The following ADAMTSL1 variants were observed in gnomAD, a reference collection of about 807,000 sequenced individuals.
The protein encoded by ADAMTSL1 is ADAMTS like 1.
ADAMTSL1 carries 126 observed loss-of-function variants against 201.8 expected under a neutral mutation model. The ratio of observed to expected loss-of-function variants is 0.62; its 90% CI spans 0.54 to 0.72. ADAMTSL1 has a LOEUF of 0.72. Ranked by LOEUF, ADAMTSL1 falls within the 30% of genes least tolerant of loss-of-function variation. The probability of loss-of-function intolerance (pLI) is 0.00; values close to 1 mark genes in which losing one functional copy is unlikely to be tolerated. For synonymous variants in ADAMTSL1, 1,121 were observed against 903.4 expected, an observed-to-expected ratio of 1.24 and a Z score of -4.32; for missense variants, 2,679 against 2,277.8, an observed-to-expected ratio of 1.18 and a Z score of -3.59.
chr9:18,838,978 T>G (rs1055437131), intron 23 of ADAMTSL1, among the ~76,000 whole-genome samples: 3 of 151,464 alleles, frequency 2.0e-5, no homozygotes, highest in East Asian at 3.9e-4. Flanking sequence ...CAAGTATCTT[T>G]CAGCATACAT....
chr9:18,874,703 T>C (rs960656192), intron 23 of ADAMTSL1, among the ~76,000 whole-genome samples: 1 of 152,180 alleles, frequency 6.6e-6, no homozygotes, highest in Non-Finnish European at 1.5e-5. Flanking sequence ...GATTTTTACA[T>C]TGATGTTCAC....
At chr9:18,656,628 C>CA (rs34965386) in intron 7 of ADAMTSL1, among the ~76,000 whole-genome samples, 20,306 of 74,942 alleles carry the variant, frequency 0.27, 2,387 homozygotes, top group African/African-American at 0.37. Flanking sequence ...GACTCCATCG[C>CA]AAAAAAAAAA....
intron 2 of ADAMTSL1, among the ~76,000 whole-genome samples, chr9:18,179,439 G>T (rs372530222): frequency 6.6e-4 from 100 of 152,146 alleles, no homozygotes; most frequent in African/African-American, 2.2e-3. Flanking sequence ...GGAACCAAGT[G>T]GGAAAACACT....
chr9:18,015,563 G>A (rs1213971595), intron 1 of ADAMTSL1, among the ~76,000 whole-genome samples: 1 of 151,984 alleles, frequency 6.6e-6, no homozygotes, highest in East Asian at 1.9e-4. Flanking sequence ...ACGTATTATT[G>A]TTTTGAGTCT....
intron 1 of ADAMTSL1, among the ~76,000 whole-genome samples, chr9:17,935,283 C>A (rs923964390): frequency 6.6e-6 from 1 of 152,050 alleles, no homozygotes; most frequent in Non-Finnish European, 1.5e-5. Context: ...ATGGGTTGTC[C>A]CTTCTGTCTC....
At chr9:18,047,406 T>A (rs1431291341) in intron 1 of ADAMTSL1, among the ~76,000 whole-genome samples, 1 of 152,166 alleles carries the variant, frequency 6.6e-6, no homozygotes, top group Non-Finnish European at 1.5e-5. Flanking sequence ...CTGCTAAACA[T>A]CTTTACACAG....
chr9:18,609,648 A>G (rs547686327), intron 4 of ADAMTSL1, among the ~76,000 whole-genome samples: 3 of 152,312 alleles, frequency 2.0e-5, no homozygotes, highest in Admixed American at 1.3e-4. Flanking sequence ...GGCACCCTTT[A>G]TAGCTTCAGA....
chr9:17,932,755 C>G (rs184980320), intron 1 of ADAMTSL1, among the ~76,000 whole-genome samples: 1 of 152,242 alleles, frequency 6.6e-6, no homozygotes, highest in East Asian at 1.9e-4. Flanking sequence ...TCTAAGTAAT[C>G]TGCTTATTAC....
chr9:18,472,083 T>C (rs1224536902), upstream of ADAMTSL1, among the ~76,000 whole-genome samples: 2 of 152,166 alleles, frequency 1.3e-5, no homozygotes, highest in African/African-American at 4.8e-5. Context: ...GAGGAGGTGG[T>C]ATTAGGTAAA....
chr9:18,163,621 G>A (rs1005952205), intron 1 of ADAMTSL1, among the ~76,000 whole-genome samples: 10 of 151,976 alleles, frequency 6.6e-5, no homozygotes, highest in African/African-American at 2.4e-4. Flanking sequence ...TGGATTTTGA[G>A]ATTGTACACC....
At chr9:18,192,014 G>C (rs1332241897) in intron 2 of ADAMTSL1, among the ~76,000 whole-genome samples, 3 of 152,126 alleles carry the variant, frequency 2.0e-5, no homozygotes, top group Non-Finnish European at 1.5e-5. Flanking sequence ...GGGTATGATC[G>C]TTACGGTGTT....
intron 20 of ADAMTSL1, among the ~76,000 whole-genome samples, chr9:18,814,478 A>G (rs2131167697): frequency 6.6e-6 from 1 of 152,326 alleles, no homozygotes; most frequent in South Asian, 2.1e-4. Context: ...CTGGCAAGGG[A>G]TTAATATTCA....
intron 16 of ADAMTSL1, among the ~76,000 whole-genome samples, chr9:18,758,715 A>G (rs1819906145): frequency 6.6e-6 from 1 of 152,146 alleles, no homozygotes. Flanking sequence ...CCCCTCTCAG[A>G]AGCCCTCATC....
intron 23 of ADAMTSL1, among the ~76,000 whole-genome samples, chr9:18,879,914 TATTA>T (rs1341657237): frequency 6.6e-6 from 1 of 152,236 alleles, no homozygotes; most frequent in Non-Finnish European, 1.5e-5. Context: ...GCCACTGCTT[TATTA>T]ATTAAGTTTA....
intron 25 of ADAMTSL1, chr9:18,890,742 G>GA (rs1239098121): frequency 2.9e-6 from 1 of 347,110 alleles, no homozygotes; most frequent in African/African-American, 2.3e-5. Context: ...CCCAGCTCCT[G>GA]AAAAATTGCT....
chr9:18,164,679 G>A lies in ADAMTSL1; in HGVS notation c.207+698G>A, dbSNP rs139291316. 1.1e-3 allele frequency among the ~76,000 whole-genome samples: 171 copies of A among 151,884 alleles called. 3 individuals are homozygous for A. The highest frequency in any genetic ancestry group is 3.6e-3 in the African/African-American group (149 of 41,488). ...ATTCATATTAGAATTAGAGGATGCC[G>A]TATATACAAGCTAGTGGGTTTCTTA... On this transcript the variant is annotated intron_variant, in intron 2 of 29. Coordinates refer to the ADAMTSL1 transcript ENST00000680146.
intron 20 of ADAMTSL1, among the ~76,000 whole-genome samples, chr9:18,804,169 A>G (rs1413858517): frequency 6.6e-6 from 1 of 152,166 alleles, no homozygotes; most frequent in Non-Finnish European, 1.5e-5. Context: ...TACCATGACT[A>G]TCAACTATTA....
At chr9:18,551,874 A>G (rs764492342) in intron 3 of ADAMTSL1, among the ~76,000 whole-genome samples, 2 of 152,018 alleles carry the variant, frequency 1.3e-5, no homozygotes, top group African/African-American at 4.8e-5. Flanking sequence ...GTTTTCAAGT[A>G]TGATGCCTTA....
chr9:18,658,183 C>G (rs1258276372), intron 8 of ADAMTSL1, among the ~76,000 whole-genome samples: 2 of 152,142 alleles, frequency 1.3e-5, no homozygotes, highest in African/African-American at 4.8e-5. Flanking sequence ...CCCGTGTTAG[C>G]CAGGATAGTC....
Sources: gnomAD v4.1 joint callset for allele counts (sites outside exome capture counted in the v4.1 genomes callset) on GRCh38, gnomAD v4.1.1 for gene constraint, MANE v1.5 for transcripts, NCBI Gene and HGNC (gene_info 2026-07-23, HGNC 2026-07-21) for gene names.